The following NBEA variants were observed in gnomAD, a reference collection of about 807,000 sequenced individuals.
NBEA encodes neurobeachin.
Under a neutral mutation model 343.4 loss-of-function variants are expected in NBEA, and 44 were observed. The observed-to-expected ratio is 0.13, with a 90% confidence interval of 0.10 to 0.16. NBEA has a LOEUF of 0.16. NBEA is among the 10% of genes least tolerant of loss of function. NBEA has a pLI of 1.00. For synonymous variants in NBEA, 1,175 were observed against 1,238.7 expected (o/e 0.95, Z 1.08); for missense variants, 2,555 against 3,631.3 (o/e 0.70, Z 7.62).
chr13:35,505,326 T>C (rs1026221112), intron 41 of NBEA, among the ~76,000 whole-genome samples: 2 of 152,198 alleles, frequency 1.3e-5, no homozygotes, highest in Non-Finnish European at 2.9e-5. Context: ...CTTTGACCTT[T>C]GTTGCTTAAA....
chr13:35,163,060 T>A (rs1378449230), intron 23 of NBEA, among the ~76,000 whole-genome samples: 1 of 152,168 alleles, frequency 6.6e-6, no homozygotes, highest in African/African-American at 2.4e-5. Context: ...AGATAAATTA[T>A]GTAATTTGAT....
intron 34 of NBEA, among the ~76,000 whole-genome samples, chr13:35,271,618 G>A (rs2034161715): frequency 6.6e-6 from 1 of 152,180 alleles, no homozygotes; most frequent in African/African-American, 2.4e-5. Flanking sequence ...AAAAAGGTTA[G>A]ACTAATGGCT....
At chr13:35,241,085 A>G (rs780060173) in intron 34 of NBEA, among the ~76,000 whole-genome samples, 43 of 151,898 alleles carry the variant, frequency 2.8e-4, no homozygotes, top group Non-Finnish European at 7.4e-5. Context: ...TTTAATAAAA[A>G]TTTGATTTAA....
chr13:35,050,158 C>A, intron 5 of NBEA, 111 bp from the exon 6 acceptor site: 1 of 866,420 alleles, frequency 1.2e-6, no homozygotes, highest in South Asian at 3.5e-5. Context: ...TATTAAACTG[C>A]TTCTACTGTA....
At chr13:35,079,291 A>T (rs567845459) in intron 10 of NBEA, among the ~76,000 whole-genome samples, 3 of 152,208 alleles carry the variant, frequency 2.0e-5, no homozygotes, top group Non-Finnish European at 4.4e-5. Context: ...TAAAAACTGT[A>T]TATGTGCCTT....
chr13:35,050,494 A>G lies in NBEA; in HGVS notation c.972+99A>G, dbSNP rs2063028101. ...AGTATTCTCTTTCACGGGTTTTCCTATGCTTTTAATTGTTTTCTCTTATCC... is the reference window on the plus strand; with the variant it reads ...AGTATTCTCTTTCACGGGTTTTCCTGTGCTTTTAATTGTTTTCTCTTATCC... On this transcript the variant is annotated intron_variant, in intron 6 of 58. Coordinates refer to ENST00000379939, the MANE Select transcript of NBEA (RefSeq NM_001385012.1). The G allele has an allele frequency of 3.5e-5, 44 of 1,246,078 alleles. 3 individuals carry two copies. In the South Asian group the frequency reaches 6.2e-4, roughly 18 times the overall value. The allele number at this position is 1,246,078 out of a possible 1,614,324, so 77.2% of individuals were successfully genotyped here.
At chr13:35,328,816 T>G (rs533326313) in intron 36 of NBEA, among the ~76,000 whole-genome samples, 128 of 151,442 alleles carry the variant, frequency 8.5e-4, no homozygotes, top group South Asian at 2.9e-3. Flanking sequence ...TGATTTAAAA[T>G]TTTCTGTGAA....
At chr13:35,266,032 A>G (rs1029950950) in intron 34 of NBEA, among the ~76,000 whole-genome samples, 12 of 151,968 alleles carry the variant, frequency 7.9e-5, no homozygotes, top group African/African-American at 2.7e-4. Context: ...AAAAATGGGT[A>G]GGAGAACTGA....
chr13:35,047,233 T>C (rs985264704), intron 4 of NBEA, among the ~76,000 whole-genome samples: 1 of 139,612 alleles, frequency 7.2e-6, no homozygotes, highest in Non-Finnish European at 1.6e-5. Context: ...GTGTGTATTT[T>C]TTTTAACAGC....
At chr13:35,522,405 T>C (rs2077759666) in intron 41 of NBEA, among the ~76,000 whole-genome samples, 1 of 134,468 alleles carries the variant, frequency 7.4e-6, no homozygotes, top group African/African-American at 2.8e-5. Context: ...GAGGCAGAGG[T>C]TGGAGTGAGC....
At chr13:35,356,571 T>A (rs1401651432) in intron 38 of NBEA, among the ~76,000 whole-genome samples, 1 of 152,204 alleles carries the variant, frequency 6.6e-6, no homozygotes, top group Non-Finnish European at 1.5e-5. Flanking sequence ...AATATTTATG[T>A]CATACTTAGG....
chr13:35,155,762 T>C lies in NBEA; in HGVS notation c.2446-12T>C, dbSNP rs1461849474. 2.5e-6 allele frequency: 4 copies of C among 1,587,282 alleles called. No homozygotes were observed. Among genetic ancestry groups the C allele is most frequent in the Middle Eastern group, 1.7e-4 (1 of 6,030 alleles). Reference sequence around the variant, plus strand: ...TGTTTTCTAAATGAAGTTCAAATTCTTCATTTTTCAGATCTTGACAGAACA... The same window carrying C: ...TGTTTTCTAAATGAAGTTCAAATTCCTCATTTTTCAGATCTTGACAGAACA... On this transcript the variant is annotated splice_polypyrimidine_tract_variant and intron_variant, in intron 18 of 58. Transcript: ENST00000379939.
At chr13:35,149,832 G>A (rs542823068) in intron 18 of NBEA, among the ~76,000 whole-genome samples, 1 of 152,072 alleles carries the variant, frequency 6.6e-6, no homozygotes, top group Non-Finnish European at 1.5e-5. Context: ...CCATTGTGTA[G>A]TACTAACCTT....
At chr13:35,350,725 TTGATGTGTGTGTG>T (rs893093751) in intron 37 of NBEA, among the ~76,000 whole-genome samples, 13 of 137,654 alleles carry the variant, frequency 9.4e-5, no homozygotes, top group African/African-American at 3.4e-4. Flanking sequence ...GTTAGAGCTA[TTGATGTGTGTGTG>T]TGTGTGTGTG....
chr13:35,381,985 A>G (rs1474009487), intron 38 of NBEA, among the ~76,000 whole-genome samples: 1 of 152,156 alleles, frequency 6.6e-6, no homozygotes, highest in Non-Finnish European at 1.5e-5. Flanking sequence ...ATGGAAAACA[A>G]CAATTATTCT....
chr13:35,197,718 G>T (rs2152743105), intron 31 of NBEA, among the ~76,000 whole-genome samples: 1 of 152,184 alleles, frequency 6.6e-6, no homozygotes, highest in East Asian at 1.9e-4. Flanking sequence ...GGCCAGGCTG[G>T]TCTTGAACTC....
At chr13:35,480,711 TTC>T (rs937571322) in intron 41 of NBEA, among the ~76,000 whole-genome samples, 5 of 151,986 alleles carry the variant, frequency 3.3e-5, no homozygotes, top group African/African-American at 4.8e-5. Flanking sequence ...TTTCAAGTGT[TTC>T]ATTCTGCCAG....
At chr13:35,377,392 G>A (rs563849458) in intron 38 of NBEA, among the ~76,000 whole-genome samples, 108 of 152,248 alleles carry the variant, frequency 7.1e-4, no homozygotes, top group Non-Finnish European at 1.1e-3. Flanking sequence ...GTTGAGGCTG[G>A]CCATGAGAAG....
intron 34 of NBEA, among the ~76,000 whole-genome samples, chr13:35,288,068 TG>T (rs1457573365): frequency 6.6e-6 from 1 of 152,024 alleles, no homozygotes; most frequent in East Asian, 1.9e-4. Flanking sequence ...TGCTCATAAG[TG>T]GAGATATCAA....
Sources: allele counts gnomAD v4.1 joint callset (sites outside exome capture counted in the v4.1 genomes callset), GRCh38; gene constraint gnomAD v4.1.1; transcripts MANE v1.5; gene names NCBI Gene and HGNC (gene_info 2026-07-23, HGNC 2026-07-21).